DOK7: variants seen among roughly 807,000 people sequenced by gnomAD.
DOK7 encodes protein Dok-7.
DOK7 carries 32 observed loss-of-function variants against 30.7 expected under a neutral mutation model. The observed-to-expected ratio is 1.04, with a 90% CI of 0.79 to 1.40. The LOEUF (loss-of-function observed/expected upper bound fraction) is 1.40. Among genes scored for constraint, DOK7 ranks in the 40% most tolerant of loss-of-function variants. DOK7 has a pLI of 0.00. For missense variants in DOK7, 1,007 were observed against 699.2 expected (o/e 1.44, Z -4.97); for synonymous variants, 447 against 324.1 (o/e 1.38, Z -4.07).
At chr4:3,467,861 G>A (rs182528606) in intron 2 of DOK7, among the ~76,000 whole-genome samples, 341 of 152,280 alleles carry the variant, frequency 2.2e-3, no homozygotes, top group Non-Finnish European at 4.1e-3. Flanking sequence ...TGCATAGGTG[G>A]CGCTTTCTCT....
At chr4:3,484,663 G>C (rs1727648078) in intron 4 of DOK7, 2 of 985,438 alleles carry the variant, frequency 2.0e-6, no homozygotes, top group Admixed American at 6.1e-5. Flanking sequence ...CGCTGGGCTG[G>C]TCCCTGGGGG....
intron 6 of DOK7, among the ~76,000 whole-genome samples, chr4:3,491,185 CCCCCTGCTCA>C (rs1728387539): frequency 9.2e-5 from 1 of 10,894 alleles, no homozygotes; most frequent in Non-Finnish European, 1.9e-4. Context: ...TCATTCCTTC[CCCCCTGCTCA>C]TTCCTTCCCC....
chr4:3,476,623 A>AC (rs1324083036), intron 4 of DOK7, 81 bp downstream of exon 4: 1 of 1,570,512 alleles, frequency 6.4e-7, no homozygotes, highest in Non-Finnish European at 8.7e-7. Flanking sequence ...GGGCCGGCCG[A>AC]CCCCACTTGC....
chr4:3,493,498 T>C lies in DOK7; in HGVS notation c.1512T>C (p.Pro504=), dbSNP rs1241024014. 6.2e-7 allele frequency: 1 copy of C among 1,610,948 alleles called. No homozygotes were observed. The highest frequency in any genetic ancestry group is 8.5e-7 in the Non-Finnish European group (1 of 1,179,250). ...VCGGLKVNPP[P] The stretch of plus-strand genomic sequence containing the variant: ...GAGGACTCAAGGTAAACCCCCCTCC[T>C]TGAGAGCCGCAGATCCCGCCCCGCG... The change falls in exon 7 of 7, where the codon CCT becomes CCC. Residue 504 remains proline, a synonymous_variant. Coordinates refer to ENST00000340083, the MANE Select transcript of DOK7 (RefSeq NM_173660.5).
chr4:3,500,092 G>C (rs1385015864), intron 6 of DOK7, among the ~76,000 whole-genome samples: 1 of 152,018 alleles, frequency 6.6e-6, no homozygotes, highest in Non-Finnish European at 1.5e-5. Flanking sequence ...CTGGGCCAAA[G>C]ATGGACGGTC....
chr4:3,473,383 C>T (rs761425716), intron 2 of DOK7, 23 bp from the exon 3 acceptor site: 5 of 1,609,190 alleles, frequency 3.1e-6, no homozygotes, highest in Non-Finnish European at 4.2e-6. Context: ...GGCTGGCGTC[C>T]CTGACGGCCA....
rs2344208 is a variant in DOK7, at chr4:3,473,380, G to A, written c.101-26G>A. The A allele has an allele frequency of 0.14, 222,794 of 1,607,292 alleles. 16,968 individuals are homozygous for A. Among genetic ancestry groups the A allele is most frequent in the African/African-American group, 0.26 (19,670 of 74,882 alleles). ...GTGCGGGCAGGCGGTGTTGGCTGGC[G>A]TCCCTGACGGCCACGCTCCTTGCAG... On this transcript the variant is annotated intron_variant, in intron 2 of 6. Transcript: ENST00000340083.
Position 3,490,052 on chromosome 4 carries a change from T to G in DOK7, c.772+256T>G, listed in dbSNP as rs562196705. On this transcript the variant is annotated intron_variant, in intron 6 of 6. Coordinates refer to ENST00000340083, the MANE Select transcript of DOK7 (RefSeq NM_173660.5). Reference sequence around the variant, plus strand: ...TTCCTTCCTTCTTCCTCCTACTCATTAATTCCTTCCTCCCCCCATTCCTTT... The same window carrying G: ...TTCCTTCCTTCTTCCTCCTACTCATGAATTCCTTCCTCCCCCCATTCCTTT... Among the ~76,000 whole-genome samples the G allele has an allele frequency of 4.8e-3, 659 of 138,716 alleles. 1 individual carries two copies. Among genetic ancestry groups the G allele is most frequent in the African/African-American group, 0.017 (612 of 36,850 alleles). The allele number at this position is 138,716 out of a possible 152,430, so 91.0% of individuals were successfully genotyped here.
At chr4:3,500,440 G>A (rs761967396) in intron 7 of DOK7, 85 of 1,531,786 alleles carry the variant, frequency 5.5e-5, no homozygotes, top group Non-Finnish European at 7.4e-5. Context: ...CTGACAATTG[G>A]GGGCTGGGAC....
chr4:3,467,189 C>G (rs1019604661), intron 2 of DOK7, among the ~76,000 whole-genome samples: 1 of 150,194 alleles, frequency 6.7e-6, no homozygotes, highest in Non-Finnish European at 1.5e-5. Context: ...GGGCGGGGAC[C>G]CCCCCCACTG....
chr4:3,499,862 A>G (rs1486801124), intron 6 of DOK7, among the ~76,000 whole-genome samples: 1 of 151,104 alleles, frequency 6.6e-6, no homozygotes, highest in African/African-American at 2.4e-5. Context: ...TAGGTAGAGA[A>G]GGTGCTGGGA....
In DOK7 at chr4:3,493,694, T is replaced by C; in HGVS notation, c.*193T>C. ...GAAGGGGCTGACTTGGGGAGGTGAG[T>C]TCTGGAAGGCAGGGGCTCTGGGTCC... is the stretch of plus-strand genomic sequence containing the variant. On this transcript the variant is annotated 3_prime_UTR_variant, in exon 7 of 7. Coordinates refer to ENST00000340083, the MANE Select transcript of DOK7 (RefSeq NM_173660.5). 7.0e-7 allele frequency: 1 copy of C among 1,437,842 alleles called. No individual in the cohort carries two copies. Among genetic ancestry groups the C allele is most frequent in the Non-Finnish European group, 9.1e-7 (1 of 1,097,370 alleles). 89.1% of individuals were successfully genotyped at this position (1,437,842 alleles called of 1,614,324 possible). A position where few individuals can be genotyped will look rare whatever the true frequency, so the allele number is the denominator to read the frequency against.
At chr4:3,490,571 C>G (rs1176752196) in intron 6 of DOK7, among the ~76,000 whole-genome samples, 1 of 54,026 alleles carries the variant, frequency 1.9e-5, no homozygotes, top group Admixed American at 2.6e-4. Flanking sequence ...TTCGTTTTTT[C>G]CTTCTCTCTC....
rs1289091767 is a variant in DOK7, at chr4:3,463,461, GGC to G, written c.54+36_54+37del. On this transcript the variant is annotated intron_variant, in intron 1 of 6. Coordinates refer to ENST00000340083, the MANE Select transcript of DOK7 (RefSeq NM_173660.5). The stretch of plus-strand genomic sequence containing the variant: ...GCGCGTCGGGGGCGCGGGGGGGGGG[GGC>G]GCGGGCGCGGGCGGCGGCTCACGCT... 2.5e-5 allele frequency: 35 copies of G among 1,374,366 alleles called. No homozygotes were observed. The highest frequency in any genetic ancestry group is 2.9e-5 in the Non-Finnish European group (31 of 1,055,808). 85.1% of individuals were successfully genotyped at this position (1,374,366 alleles called of 1,614,324 possible).
chr4:3,481,712 T>C (rs1163110141), intron 4 of DOK7, among the ~76,000 whole-genome samples: 1 of 152,120 alleles, frequency 6.6e-6, no homozygotes, highest in Non-Finnish European at 1.5e-5. Context: ...TCTGAGGAGC[T>C]GGGATTATGA....
chr4:3,489,693 AC>A lies in DOK7; in HGVS notation c.672del (p.Ser225ArgfsTer21). On this transcript the variant is annotated frameshift_variant, in exon 6 of 7. Transcript: ENST00000340083. LOFTEE classifies it high-confidence loss of function. ...PVLPDPSPPG[P>X]STVEERVAQE... ...CTGCCACAGACCCAAGTCCCCCGGG[AC>A]CCTCGACTGTGGAGGAGCGTGTGGC... 1 of 1,564,278 alleles carries A rather than the reference AC, an allele frequency of 6.4e-7. No homozygotes were observed. The highest frequency in any genetic ancestry group is 8.7e-7 in the Non-Finnish European group (1 of 1,154,702).
intron 4 of DOK7, among the ~76,000 whole-genome samples, chr4:3,478,427 G>A (rs1472220639): frequency 1.3e-5 from 2 of 152,332 alleles, no homozygotes; most frequent in Middle Eastern, 3.4e-3. Flanking sequence ...CTCTTGTGGG[G>A]CCGTCTGTCT....
Position 3,473,614 on chromosome 4 carries a change from G to A in DOK7, c.309G>A (p.Arg103=), listed in dbSNP as rs1383307604. 1 of 1,593,942 alleles carries A rather than the reference G, an allele frequency of 6.3e-7. No homozygotes were observed. Among genetic ancestry groups the A allele is most frequent in the Admixed American group, 1.7e-5 (1 of 57,870 alleles). The change falls in exon 3 of 7, where the codon CGG becomes CGA. Residue 103 remains arginine (R), a synonymous_variant. Transcript: ENST00000340083. ...SHEAMCAWDA[R]IRYALGEVHR... is the part of the protein sequence containing the mutation. ...AGGCCATGTGTGCGTGGGATGCCCG[G>A]ATCCGCTATGCGCTCGGCGAGGGTG...
chr4:3,498,547 G>A (rs1228196828), downstream of DOK7, among the ~76,000 whole-genome samples: 1 of 149,208 alleles, frequency 6.7e-6, no homozygotes, highest in African/African-American at 2.6e-5. Context: ...CTGCCCCTTG[G>A]CTTCAAGGCC....
Sources: allele counts gnomAD v4.1 joint callset (sites outside exome capture counted in the v4.1 genomes callset), GRCh38; gene constraint gnomAD v4.1.1; transcripts MANE v1.5; gene names NCBI Gene and HGNC (gene_info 2026-07-23, HGNC 2026-07-21).